The following AGTPBP1 variants were observed in gnomAD, a reference collection of about 807,000 sequenced individuals.
AGTPBP1 encodes the protein cytosolic carboxypeptidase 1.
A neutral mutation model predicts 143.9 loss-of-function variants in AGTPBP1; 70 were observed. The observed-to-expected ratio is 0.49, with a 90% CI of 0.40 to 0.59. The LOEUF (loss-of-function observed/expected upper bound fraction) is 0.59, where lower values mean the gene tolerates loss of function less well. AGTPBP1 is among the 20% of genes least tolerant of loss of function. AGTPBP1 has a pLI of 0.00. For synonymous variants in AGTPBP1, 463 were observed against 500.2 expected (o/e 0.93, Z 0.99); for missense variants, 1,229 against 1,464.5 (o/e 0.84, Z 2.62).
intron 6 of AGTPBP1, among the ~76,000 whole-genome samples, chr9:85,677,044 G>A (rs1006060278): frequency 6.6e-6 from 1 of 152,176 alleles, no homozygotes; most frequent in Non-Finnish European, 1.5e-5. Context: ...GGGTAATGGA[G>A]AGCGGGAGAT....
chr9:85,781,764 T>C, the AGTPBP1 span, among the ~76,000 whole-genome samples: 1 of 152,224 alleles, frequency 6.6e-6, no homozygotes, highest in African/African-American at 2.4e-5. Context: ...GGTCTTTTTA[T>C]ATATCATGAC....
At chr9:85,654,264 T>C (rs1051713352) in intron 11 of AGTPBP1, among the ~76,000 whole-genome samples, 1 of 152,158 alleles carries the variant, frequency 6.6e-6, no homozygotes, top group East Asian at 1.9e-4. Flanking sequence ...CTTTGGTAGA[T>C]GTTGTCAAAG....
intron 14 of AGTPBP1, among the ~76,000 whole-genome samples, chr9:85,631,553 T>C (rs1439210848): frequency 1.3e-5 from 2 of 152,172 alleles, no homozygotes; most frequent in Non-Finnish European, 2.9e-5. Flanking sequence ...TCTGATGCTA[T>C]GATGTACGGG....
intron 1 of AGTPBP1, chr9:85,741,135 T>C: frequency 4.8e-6 from 4 of 828,432 alleles, no homozygotes; most frequent in Non-Finnish European, 5.8e-6. Context: ...AACTCTGCAC[T>C]GTCATCCAGG....
At chr9:85,716,322 G>A (rs180955912) in intron 1 of AGTPBP1, among the ~76,000 whole-genome samples, 18 of 152,214 alleles carry the variant, frequency 1.2e-4, no homozygotes, top group South Asian at 4.1e-4. Context: ...TTCCTTTAAC[G>A]GAATGCCCAG....
rs767483870 is a variant in AGTPBP1 at position 85,586,808 on chromosome 9, TA to T, written c.3033+22del. On this transcript the variant is annotated intron_variant, in intron 22 of 25. Transcript: ENST00000357081. ...ATATTTTATCTTTGACTATCCCAAGTAAAAACAAGTATTGCTACTTACCAAG... is the reference window on the plus strand; with the variant it reads ...ATATTTTATCTTTGACTATCCCAAGTAAAACAAGTATTGCTACTTACCAAG... 3.7e-6 allele frequency: 6 copies of T among 1,602,282 alleles called. No homozygotes were observed. In the Admixed American group the frequency reaches 1.0e-4, roughly 27 times the overall value.
At chr9:85,626,085 T>C (rs376413788) in intron 14 of AGTPBP1, among the ~76,000 whole-genome samples, 23 of 152,096 alleles carry the variant, frequency 1.5e-4, no homozygotes, top group African/African-American at 5.5e-4. Context: ...AAATAAGAGA[T>C]AAATTTAATT....
rs572424579 is a variant in AGTPBP1 at position 85,627,273 on chromosome 9, G to A, written c.2015+5389C>T. ...TTATGTGCGCGCACACACACACACAGAGTGGGAGAGTTAAGTCTAAAACTT... is the reference window on the plus strand; with the variant it reads ...TTATGTGCGCGCACACACACACACAAAGTGGGAGAGTTAAGTCTAAAACTT... On this transcript the variant is annotated intron_variant, in intron 14 of 25. Transcript: ENST00000357081. 1.2e-4 allele frequency among the ~76,000 whole-genome samples: 19 copies of A among 152,114 alleles called. No homozygotes were observed. The South Asian group carries it at 4.0e-3, about 32-fold the overall frequency.
chr9:85,606,917 AG>A (rs1029021155), intron 17 of AGTPBP1, among the ~76,000 whole-genome samples: 4 of 151,942 alleles, frequency 2.6e-5, no homozygotes, highest in South Asian at 2.1e-4. Context: ...GGGAGGGATA[AG>A]GGGGGTGAAG....
chr9:85,804,446 T>C, the AGTPBP1 span, among the ~76,000 whole-genome samples: 3 of 152,222 alleles, frequency 2.0e-5, no homozygotes, highest in Non-Finnish European at 4.4e-5. Flanking sequence ...TTCCCGGCAG[T>C]ACTCTGCCAC....
rs1273165781 is a variant in AGTPBP1, at chr9:85,575,453, T to A, written c.3365A>T (p.Glu1122Val). The A allele has an allele frequency of 6.2e-7, 1 of 1,605,802 alleles. No homozygotes were observed. Among genetic ancestry groups the A allele is most frequent in the Admixed American group, 1.7e-5 (1 of 57,678 alleles). Reference sequence around the variant, plus strand: ...AAATTTTGCTCCCATCTCTTCCAGTTCTCGGGTACCAATCTGTAAACCCTT... The same window carrying A: ...AAATTTTGCTCCCATCTCTTCCAGTACTCGGGTACCAATCTGTAAACCCTT... ...KYKGLQIGTR[E>V]LEEMGAKFCV... The change falls in exon 25 of 26, where the codon GAA (glutamate) becomes GTA (valine). Residue 1122 changes from glutamate (E) to valine (V), a missense_variant. Coordinates refer to ENST00000357081, the MANE Select transcript of AGTPBP1 (RefSeq NM_001330701.2).
chr9:85,571,692 G>A (rs1007358178), intron 25 of AGTPBP1, among the ~76,000 whole-genome samples: 6 of 152,100 alleles, frequency 3.9e-5, no homozygotes, highest in African/African-American at 7.2e-5. Flanking sequence ...TTAAAACTGC[G>A]CTCTACGATA....
At chr9:85,678,420 A>G (rs1427373112) in intron 4 of AGTPBP1, 22 bp from the exon 5 acceptor site, 3 of 1,486,498 alleles carry the variant, frequency 2.0e-6, no homozygotes, top group Non-Finnish European at 2.8e-6. Flanking sequence ...AGTTTGTTTT[A>G]TTAAAACATT....
At chr9:85,792,593 A>G in the AGTPBP1 span, among the ~76,000 whole-genome samples, 1 of 152,242 alleles carries the variant, frequency 6.6e-6, no homozygotes, top group Non-Finnish European at 1.5e-5. Flanking sequence ...GAGTACATTA[A>G]ATGATATTTT....
intron 2 of AGTPBP1, among the ~76,000 whole-genome samples, chr9:85,693,946 A>G (rs1385319489): frequency 6.6e-6 from 1 of 152,138 alleles, no homozygotes; most frequent in Non-Finnish European, 1.5e-5. Context: ...CGGAGGCACA[A>G]GCTCCTAGAT....
intron 3 of AGTPBP1, among the ~76,000 whole-genome samples, chr9:85,688,096 T>TAAAAA (rs58523894): frequency 4.9e-4 from 17 of 34,688 alleles, no homozygotes; most frequent in Admixed American, 5.2e-4. Context: ...GTCTCAAAAT[T>TAAAAA]AAAAAAAAAA....
rs189451291 is a variant in AGTPBP1, at chr9:85,634,835, T to C, written c.1303-1461A>G. ...TATAATCAATTTTAATAATGCAAAC[T>C]GGCCAGAACACCAAACTCTCCAAAA... On this transcript the variant is annotated intron_variant, in intron 13 of 25. Transcript: ENST00000357081. 2.5e-3 allele frequency among the ~76,000 whole-genome samples: 380 copies of C among 152,310 alleles called. 2 individuals carry two copies. The highest frequency in any genetic ancestry group is 4.4e-3 in the Non-Finnish European group (299 of 68,016).
intron 13 of AGTPBP1, among the ~76,000 whole-genome samples, chr9:85,634,828 T>C (rs1346946926): frequency 3.9e-5 from 6 of 152,186 alleles, no homozygotes; most frequent in Non-Finnish European, 5.9e-5. Flanking sequence ...ATTTTAATAA[T>C]GCAAACTGGC....
Position 85,655,142 on chromosome 9 carries a change from C to T in AGTPBP1, c.1087+1G>A. The T allele has an allele frequency of 6.2e-7, 1 of 1,607,740 alleles. No individual in the cohort carries two copies. The highest frequency in any genetic ancestry group is 1.1e-5 in the South Asian group (1 of 89,996). ...AAGCAGCAGTGACCCTGTGATCCTACCTTCAGGAGGTAAGCTGTAGAGCTG... is the reference window on the plus strand; with the variant it reads ...AAGCAGCAGTGACCCTGTGATCCTATCTTCAGGAGGTAAGCTGTAGAGCTG... On this transcript the variant is annotated splice_donor_variant, in intron 11 of 25. Coordinates refer to ENST00000357081, the MANE Select transcript of AGTPBP1 (RefSeq NM_001330701.2). LOFTEE classifies it high-confidence loss of function.
Sources: allele counts gnomAD v4.1 joint callset (sites outside exome capture counted in the v4.1 genomes callset), GRCh38; gene constraint gnomAD v4.1.1; transcripts MANE v1.5; gene names NCBI Gene and HGNC (gene_info 2026-07-23, HGNC 2026-07-21).